Variants in CATSPERB observed in about 807,000 individuals in gnomAD.
The protein encoded by CATSPERB is cation channel sperm-associated auxiliary subunit beta.
In CATSPERB, 93 loss-of-function variants were observed where a neutral mutation model predicts 128.3. The ratio of observed to expected loss-of-function variants is 0.72; its 90% CI spans 0.61 to 0.86. The LOEUF (loss-of-function observed/expected upper bound fraction) is 0.86. Ranked by LOEUF, CATSPERB falls within the 40% of genes least tolerant of loss-of-function variation. The pLI is 0.00. For missense variants in CATSPERB, 1,153 were observed against 1,329.5 expected, an observed-to-expected ratio of 0.87 and a Z score of 2.06; for synonymous variants, 381 against 448.8, an observed-to-expected ratio of 0.85 and a Z score of 1.91.
intron 22 of CATSPERB, 31 bp from the exon 23 acceptor site, chr14:91,592,033 T>G: frequency 7.3e-7 from 1 of 1,369,208 alleles, no homozygotes. Flanking sequence ...TGTTGACTTG[T>G]TTTTCTGCGT....
At chr14:91,678,133 G>A (rs781380737) in intron 11 of CATSPERB, among the ~76,000 whole-genome samples, 3 of 152,096 alleles carry the variant, frequency 2.0e-5, no homozygotes, top group African/African-American at 4.8e-5. Flanking sequence ...TGCATGTGGG[G>A]CTTAAAACCT....
chr14:91,616,941 T>C (rs935096301), intron 20 of CATSPERB, among the ~76,000 whole-genome samples: 1 of 151,924 alleles, frequency 6.6e-6, no homozygotes, highest in South Asian at 2.1e-4. Context: ...ACGGGGTTTC[T>C]CCATGTTTGT....
intron 22 of CATSPERB, among the ~76,000 whole-genome samples, chr14:91,600,913 G>A (rs550232494): frequency 1.3e-5 from 2 of 152,338 alleles, no homozygotes; most frequent in Non-Finnish European, 2.9e-5. Flanking sequence ...TACCTTCGGT[G>A]TATTTGCCTG....
intron 16 of CATSPERB, among the ~76,000 whole-genome samples, chr14:91,638,500 A>G (rs1894422765): frequency 6.6e-6 from 1 of 151,630 alleles, no homozygotes; most frequent in African/African-American, 2.4e-5. Flanking sequence ...AGTTCACTTC[A>G]GCCTCAACTT....
At chr14:91,716,590 C>T (rs564633153) in intron 5 of CATSPERB, among the ~76,000 whole-genome samples, 3 of 152,000 alleles carry the variant, frequency 2.0e-5, no homozygotes, top group South Asian at 2.1e-4. Flanking sequence ...AAAATCCAAA[C>T]AAATAAACAA....
intron 18 of CATSPERB, among the ~76,000 whole-genome samples, chr14:91,624,585 G>A (rs1894117738): frequency 6.6e-6 from 1 of 151,454 alleles, no homozygotes; most frequent in Non-Finnish European, 1.5e-5. Flanking sequence ...AGGTTGCGGT[G>A]AGTCGAGATC....
intron 13 of CATSPERB, among the ~76,000 whole-genome samples, chr14:91,671,148 G>C (rs1895080900): frequency 6.6e-6 from 1 of 151,998 alleles, no homozygotes; most frequent in South Asian, 2.1e-4. Context: ...ATTCCTCCTT[G>C]GGGCAGATCT....
intron 23 of CATSPERB, 26 bp downstream of exon 23, chr14:91,591,866 A>G (rs769225125): frequency 6.9e-7 from 1 of 1,442,638 alleles, no homozygotes; most frequent in Non-Finnish European, 9.8e-7. Flanking sequence ...AGTATCCTGT[A>G]TTCAGGTAAT....
At chr14:91,685,154 T>C (rs1243102981) in intron 10 of CATSPERB, among the ~76,000 whole-genome samples, 1 of 152,192 alleles carries the variant, frequency 6.6e-6, no homozygotes, top group Non-Finnish European at 1.5e-5. Context: ...CTAGAGCTCC[T>C]GAACTTAAGC....
intron 17 of CATSPERB, among the ~76,000 whole-genome samples, chr14:91,633,788 T>C (rs999044692): frequency 5.9e-5 from 9 of 151,630 alleles, no homozygotes; most frequent in Non-Finnish European, 1.5e-5. Context: ...ATTTAAATGA[T>C]AAAGGGTTTA....
intron 11 of CATSPERB, among the ~76,000 whole-genome samples, chr14:91,683,352 G>T (rs1895318151): frequency 6.6e-6 from 1 of 152,202 alleles, no homozygotes; most frequent in Non-Finnish European, 1.5e-5. Context: ...CCATAGAAAT[G>T]GAATGGAATT....
At chr14:91,681,976 T>C (rs900254616) in intron 11 of CATSPERB, among the ~76,000 whole-genome samples, 1 of 152,252 alleles carries the variant, frequency 6.6e-6, no homozygotes, top group African/African-American at 2.4e-5. Context: ...TAACATGAAC[T>C]TAACAAGTTT....
chr14:91,699,730 C>T (rs1234721591), intron 7 of CATSPERB, among the ~76,000 whole-genome samples: 2 of 151,714 alleles, frequency 1.3e-5, no homozygotes, highest in African/African-American at 2.4e-5. Context: ...CCCACTACCA[C>T]GCCCTACTAA....
At position 91,610,596 on chromosome 14, in the gene CATSPERB, T is replaced by C; in HGVS notation, c.2482A>G (p.Ser828Gly). Residue 828 changes from serine (S) to glycine (G), a missense_variant, in exon 21 of 27, where the codon AGC becomes GGC. Coordinates refer to ENST00000256343, the MANE Select transcript of CATSPERB (RefSeq NM_024764.4). ...VTTMVPTLKS[S>G]CSYLRSMHHI... is the part of the protein sequence containing the mutation. ...TGCATAGATCTGAGATAACTACAGC[T>C]GCTTTTCAGTGTTGGCACCATTGTC... 1 of 1,613,634 alleles carries C rather than the reference T, an allele frequency of 6.2e-7. No homozygotes were observed. The highest frequency in any genetic ancestry group is 8.5e-7 in the Non-Finnish European group (1 of 1,179,642).
intron 20 of CATSPERB, among the ~76,000 whole-genome samples, chr14:91,613,673 T>C (rs976616552): frequency 2.0e-5 from 3 of 152,280 alleles, no homozygotes; most frequent in Admixed American, 2.0e-4. Flanking sequence ...ATGGCTACAA[T>C]GGCAACTTCT....
At chr14:91,590,675 TAG>T (rs1390271831) in intron 23 of CATSPERB, among the ~76,000 whole-genome samples, 1 of 152,060 alleles carries the variant, frequency 6.6e-6, no homozygotes, top group African/African-American at 2.4e-5. Context: ...TTTTTTGAGA[TAG>T]AGTCTTGCTC....
intron 22 of CATSPERB, among the ~76,000 whole-genome samples, chr14:91,599,472 T>G (rs1199180467): frequency 7.1e-6 from 1 of 140,760 alleles, no homozygotes; most frequent in African/African-American, 2.7e-5. Context: ...GGCAGGAGAA[T>G]GGCGTGAACC....
chr14:91,660,390 C>A (rs1371504104), intron 14 of CATSPERB, among the ~76,000 whole-genome samples: 2 of 152,162 alleles, frequency 1.3e-5, no homozygotes, highest in Non-Finnish European at 2.9e-5. Context: ...AGGTGTCTGG[C>A]AAATATATAT....
intron 25 of CATSPERB, 93 bp from the exon 26 acceptor site, chr14:91,587,369 T>C: frequency 2.6e-6 from 2 of 773,326 alleles, no homozygotes; most frequent in South Asian, 2.5e-5. Context: ...ACTGTCCCTA[T>C]AGATGCTGCA....
Sources: allele counts gnomAD v4.1 joint callset (sites outside exome capture counted in the v4.1 genomes callset), GRCh38; gene constraint gnomAD v4.1.1; transcripts MANE v1.5; gene names NCBI Gene and HGNC (gene_info 2026-07-23, HGNC 2026-07-21).